EHHADH: variants seen among roughly 807,000 people sequenced by gnomAD.
The protein encoded by EHHADH is peroxisomal bifunctional enzyme.
EHHADH carries 48 observed loss-of-function variants against 64.4 expected under a neutral mutation model. The observed-to-expected ratio is 0.75, with a 90% confidence interval of 0.59 to 0.95. EHHADH has a LOEUF of 0.95. EHHADH is among the 40% of genes least tolerant of loss of function. The pLI is 0.00. For synonymous variants in EHHADH, 308 were observed against 326.7 expected (o/e 0.94, Z 0.62); for missense variants, 854 against 876.6 (o/e 0.97, Z 0.33).
rs1718327773 is a variant in EHHADH, at chr3:185,204,510, G to T, written c.816C>A (p.Phe272Leu). The change falls in exon 6 of 7, where the codon TTC becomes TTA. Residue 272 changes from phenylalanine to leucine, a missense_variant. By Grantham distance (22) the Phe-to-Leu change is conservative (BLOSUM62 0). Transcript: ENST00000231887. ...ACTTATTTGCTTTCCTTTCAGCGAA[G>T]AAAGCATATTGCAGGGCTCTAGCCT... ...SGQARALQYA[F>L]FAERKANKWS... The T allele has an allele frequency of 5.6e-6, 9 of 1,614,180 alleles. No homozygotes were observed. The highest frequency in any genetic ancestry group is 4.2e-6 in the Non-Finnish European group (5 of 1,180,046).
At position 185,191,428 on chromosome 3, in the gene EHHADH, T is replaced by A. The variant is rs1166967294; in HGVS notation, c.*798A>T. 1 of 152,200 alleles carries A rather than the reference T, an allele frequency of 6.6e-6. No individual in the cohort carries two copies. Among genetic ancestry groups the A allele is most frequent in the Admixed American group, 6.5e-5 (1 of 15,282 alleles). 9.4% of individuals were successfully genotyped at this position (152,200 alleles called of 1,614,324 possible). A position where few individuals can be genotyped will look rare whatever the true frequency, so the allele number is the denominator to read the frequency against. ...GTTTTTGTATTGACCAGCCCCTTAA[T>A]TTTTAACTACACAAGGCAAAAAGTA... On this transcript the variant is annotated 3_prime_UTR_variant, in exon 7 of 7. Transcript: ENST00000231887.
In EHHADH at chr3:185,192,308, T is replaced by C. The variant is rs771723269; in HGVS notation, c.2090A>G (p.Tyr697Cys). The C allele has an allele frequency of 6.2e-7, 1 of 1,614,182 alleles. No homozygotes were observed. The highest frequency in any genetic ancestry group is 8.5e-7 in the Non-Finnish European group (1 of 1,180,034). Residue 697 changes from tyrosine (Y) to cysteine (C), a missense_variant, in exon 7 of 7, where the codon TAT becomes TGT. By Grantham distance (194) the Tyr-to-Cys change is radical. Coordinates refer to ENST00000231887, the MANE Select transcript of EHHADH (RefSeq NM_001966.4). ...TCCCTGAGAAGCCAGTTTTTTTAGA[T>C]AGTCACTTGGCTCCAGTTGGGGAAT... Reference protein sequence around the residue: ...PDIPQLEPSDYLKKLASQGNP... With the variant: ...PDIPQLEPSDCLKKLASQGNP...
Position 185,193,037 on chromosome 3 carries a change from G to A in EHHADH, c.1361C>T (p.Thr454Ile). Residue 454 changes from threonine (T) to isoleucine (I), a missense_variant, in exon 7 of 7, where the codon ACT becomes ATT. Thr to Ile is a moderately conservative substitution (Grantham distance 89). Transcript: ENST00000231887. ...TAAGTTCATAACAGTGGCAATGGTAGTGGGGGAAGAGTATTGGCTGGGAAT... is the reference window on the plus strand; with the variant it reads ...TAAGTTCATAACAGTGGCAATGGTAATGGGGGAAGAGTATTGGCTGGGAAT... Reference protein sequence around the residue: ...EVIPSQYSSPTTIATVMNLSK... With the variant: ...EVIPSQYSSPITIATVMNLSK... The A allele has an allele frequency of 6.2e-7, 1 of 1,614,240 alleles. No individual in the cohort carries two copies. Among genetic ancestry groups the A allele is most frequent in the Non-Finnish European group, 8.5e-7 (1 of 1,180,046 alleles).
intron 4 of EHHADH, among the ~76,000 whole-genome samples, chr3:185,229,048 G>A (rs1314270447): frequency 6.6e-6 from 1 of 151,988 alleles, no homozygotes; most frequent in Non-Finnish European, 1.5e-5. Context: ...TGCCCATCTC[G>A]GCCTCCCAAA....
At chr3:185,226,046 G>T (rs371726718) in intron 4 of EHHADH, among the ~76,000 whole-genome samples, 1 of 152,138 alleles carries the variant, frequency 6.6e-6, no homozygotes, top group African/African-American at 2.4e-5. Flanking sequence ...GTAGGCATAT[G>T]TGTGTGCATA....
intron 5 of EHHADH, among the ~76,000 whole-genome samples, chr3:185,208,124 T>C (rs1718445385): frequency 2.6e-5 from 4 of 152,214 alleles, no homozygotes. Context: ...CCCTCTCAAA[T>C]TGGTCACTCT....
chr3:185,193,065 C>A lies in EHHADH; in HGVS notation c.1333G>T (p.Val445Phe), dbSNP rs1577351231. The change falls in exon 7 of 7, where the codon GTT becomes TTT. Residue 445 changes from valine (V) to phenylalanine (F), a missense_variant. Coordinates refer to ENST00000231887, the MANE Select transcript of EHHADH (RefSeq NM_001966.4). ...SPAHVMKLLEVIPSQYSSPTT... is the reference protein window; with the variant it reads ...SPAHVMKLLEFIPSQYSSPTT... ...GGGGAAGAGTATTGGCTGGGAATAA[C>A]CTCTAACAACTTCATGACATGAGCT... The A allele has an allele frequency of 6.2e-7, 1 of 1,613,956 alleles. No homozygotes were observed. The highest frequency in any genetic ancestry group is 1.7e-5 in the Admixed American group (1 of 59,986).
chr3:185,221,571 T>A (rs1410454280), intron 4 of EHHADH, among the ~76,000 whole-genome samples: 1 of 74,578 alleles, frequency 1.3e-5, no homozygotes, highest in Non-Finnish European at 3.2e-5. Context: ...CATGATATTT[T>A]TTTTTCTTTT....
At position 185,193,060 on chromosome 3, in the gene EHHADH, A is replaced by C. The variant is rs200718927; in HGVS notation, c.1338T>G (p.Ile446Met). The change falls in exon 7 of 7, where the codon ATT (isoleucine) becomes ATG (methionine). Residue 446 changes from isoleucine (I) to methionine (M), a missense_variant. Transcript: ENST00000231887. ...TAGTGGGGGAAGAGTATTGGCTGGG[A>C]ATAACCTCTAACAACTTCATGACAT... ...PAHVMKLLEVIPSQYSSPTTI... is the reference protein window; with the variant it reads ...PAHVMKLLEVMPSQYSSPTTI... The C allele has an allele frequency of 1.2e-6, 2 of 1,614,150 alleles. No individual in the cohort carries two copies. Among genetic ancestry groups the C allele is most frequent in the East Asian group, 2.2e-5 (1 of 44,882 alleles).
chr3:185,235,518 T>C (rs1376349056), intron 2 of EHHADH, 56 bp from the exon 3 acceptor site: 2 of 1,436,634 alleles, frequency 1.4e-6, no homozygotes, highest in East Asian at 2.4e-5. Flanking sequence ...GGCATTGTTA[T>C]ATAACAGTAA....
At chr3:185,240,374 T>A (rs1285979171) in intron 2 of EHHADH, among the ~76,000 whole-genome samples, 1 of 148,836 alleles carries the variant, frequency 6.7e-6, no homozygotes, top group Non-Finnish European at 1.5e-5. Context: ...TCTGGTAAAA[T>A]TTGGCTGTGA....
rs753406184 is a variant in EHHADH, at chr3:185,192,737, C to A, written c.1661G>T (p.Gly554Val). The A allele has an allele frequency of 6.2e-7, 1 of 1,614,110 alleles. No homozygotes were observed. The highest frequency in any genetic ancestry group is 1.3e-5 in the African/African-American group (1 of 75,048). Residue 554 changes from glycine to valine, a missense_variant, in exon 7 of 7, where the codon GGT becomes GTT. Gly to Val is a moderately radical substitution (Grantham distance 109). Transcript: ENST00000231887. Reference sequence around the variant, plus strand: ...AGGAATTGGGCAGTACCTCCTATTACCCCTTTTTCGGGCAGGAGTTCCTGG... The same window carrying A: ...AGGAATTGGGCAGTACCTCCTATTAACCCTTTTTCGGGCAGGAGTTCCTGG... ...LLPGTPARKR[G>V]NRRYCPIPDV...
chr3:185,226,090 A>G (rs1718964720), intron 4 of EHHADH, among the ~76,000 whole-genome samples: 1 of 152,190 alleles, frequency 6.6e-6, no homozygotes, highest in Non-Finnish European at 1.5e-5. Context: ...AGTGACCCCC[A>G]GCAAGTCTAA....
chr3:185,228,257 A>AATATATATATATAT (rs1235531098), intron 4 of EHHADH, among the ~76,000 whole-genome samples: 31 of 22,010 alleles, frequency 1.4e-3, no homozygotes, highest in African/African-American at 2.0e-3. Flanking sequence ...AAAAAAAAAA[A>AATATATATATATAT]ATATATATAT....
chr3:185,253,237 A>C (rs1376374821), intron 1 of EHHADH: 7 of 114,376 alleles, frequency 6.1e-5, no homozygotes, highest in Admixed American at 5.8e-4. Context: ...TTTTAACATT[A>C]AAAAAAAAAA....
intron 2 of EHHADH, among the ~76,000 whole-genome samples, chr3:185,244,905 CT>C (rs2108651368): frequency 6.6e-6 from 1 of 152,256 alleles, no homozygotes; most frequent in African/African-American, 2.4e-5. Flanking sequence ...TTATGGTGCT[CT>C]AAGAAACTAA....
In EHHADH at chr3:185,192,470, G is replaced by A; in HGVS notation, c.1928C>T (p.Pro643Leu). ...RILGEGIAASPEHIDVVYLHG... is the reference protein window; with the variant it reads ...RILGEGIAASLEHIDVVYLHG... ...TAAATAGACAACATCAATGTGCTCT[G>A]GGCTAGCAGCTATCCCTTCTCCCAA... Residue 643 changes from proline (P) to leucine (L), a missense_variant, in exon 7 of 7, where the codon CCA becomes CTA. By Grantham distance (98) the Pro-to-Leu change is moderately conservative (BLOSUM62 -3). Coordinates refer to ENST00000231887, the MANE Select transcript of EHHADH (RefSeq NM_001966.4). 2.5e-6 allele frequency: 4 copies of A among 1,614,202 alleles called. No homozygotes were observed. Among genetic ancestry groups the A allele is most frequent in the African/African-American group, 1.3e-5 (1 of 75,044 alleles).
chr3:185,217,926 G>A (rs566983754), intron 5 of EHHADH, among the ~76,000 whole-genome samples: 3 of 151,684 alleles, frequency 2.0e-5, no homozygotes, highest in South Asian at 2.1e-4. Context: ...CACCACGCCC[G>A]GCTAATTTTT....
In EHHADH at chr3:185,192,264, A is replaced by G. The variant is rs762821133; in HGVS notation, c.2134T>C (p.Trp712Arg). 2.1e-5 allele frequency: 34 copies of G among 1,613,850 alleles called. No homozygotes were observed. Among genetic ancestry groups the G allele is most frequent in the Admixed American group, 5.0e-5 (3 of 59,970 alleles). The change falls in exon 7 of 7, where the codon TGG becomes CGG. Residue 712 changes from tryptophan to arginine, a missense_variant. Coordinates refer to ENST00000231887, the MANE Select transcript of EHHADH (RefSeq NM_001966.4). The stretch of plus-strand genomic sequence containing the variant: ...CTAGGGGAGCCTGCCAAGCTTTGCC[A>G]TTCTTTCAGGGGAGGGTTTCCCTGA... ...ASQGNPPLKE[W>R]QSLAGSPSSK...
Sources: gnomAD v4.1 joint callset for allele counts (sites outside exome capture counted in the v4.1 genomes callset) on GRCh38, gnomAD v4.1.1 for gene constraint, MANE v1.5 for transcripts, NCBI Gene and HGNC (gene_info 2026-07-23, HGNC 2026-07-21) for gene names.